RFX1: variants seen among roughly 807,000 people sequenced by gnomAD.
The protein encoded by RFX1 is regulatory factor X1.
RFX1 carries 42 observed loss-of-function variants against 119.6 expected under a neutral mutation model. The observed-to-expected ratio is 0.35, with a 90% CI of 0.27 to 0.45. The LOEUF is 0.45. RFX1 is among the 20% of genes least tolerant of loss of function. RFX1 has a pLI of 1.00. For synonymous variants in RFX1, 628 were observed against 618.5 expected, an observed-to-expected ratio of 1.02 and a Z score of -0.23; for missense variants, 1,118 against 1,368.1, an observed-to-expected ratio of 0.82 and a Z score of 2.88.
At chr19:13,972,587 A>G (rs1290036331) in intron 9 of RFX1, among the ~76,000 whole-genome samples, 156 bp downstream of exon 9, 1 of 152,262 alleles carries the variant, frequency 6.6e-6, no homozygotes, top group Non-Finnish European at 1.5e-5. Flanking sequence ...GAGGCCACAC[A>G]GCATTCAATC....
At chr19:13,963,441 C>G (rs1161898327) in intron 18 of RFX1, 97 bp downstream of exon 18, 3 of 1,438,058 alleles carry the variant, frequency 2.1e-6, no homozygotes, top group Non-Finnish European at 2.8e-6. Context: ...GCCCGCCCAG[C>G]CTGCAGGCTC....
In RFX1 at chr19:13,985,326, G is replaced by T. The variant is rs1422805112; in HGVS notation, c.320-1731C>A. Among the ~76,000 whole-genome samples the T allele has an allele frequency of 1.3e-5, 2 of 152,056 alleles. No individual in the cohort carries two copies. The highest frequency in any genetic ancestry group is 3.8e-4 in the East Asian group (2 of 5,196). On this transcript the variant is annotated intron_variant, in intron 2 of 20. Transcript: ENST00000254325. This position sits in a 1 kb window ranked among gnomAD's most constrained non-coding sequence, Gnocchi z 4.3. Reference sequence around the variant, plus strand: ...TGAGTAGCTAGGACTGCAGGCACCCGCCACCACGCCCAGCTAATTTTTGTG... The same window carrying T: ...TGAGTAGCTAGGACTGCAGGCACCCTCCACCACGCCCAGCTAATTTTTGTG...
chr19:13,975,975 T>C (rs1179672300), intron 8 of RFX1, among the ~76,000 whole-genome samples: 1 of 152,152 alleles, frequency 6.6e-6, no homozygotes, highest in African/African-American at 2.4e-5. Context: ...CACACTATGA[T>C]CACTGAGAGA....
In RFX1 at chr19:13,961,530, T is replaced by C. The variant is rs1219148519; in HGVS notation, c.*1165A>G. The stretch of plus-strand genomic sequence containing the variant: ...CCACCAAGGCCCGGCGAGTCAGCAG[T>C]AGGCAAATATCACAGCGGAATTTAT... On this transcript the variant is annotated 3_prime_UTR_variant, in exon 21 of 21. Transcript: ENST00000254325. The C allele has an allele frequency of 6.1e-6, 1 of 163,448 alleles. No individual in the cohort carries two copies. The highest frequency in any genetic ancestry group is 1.4e-5 in the Non-Finnish European group (1 of 73,928). The allele number at this position is 163,448 out of a possible 1,614,324, so 10.1% of individuals were successfully genotyped here.
Position 13,980,670 on chromosome 19 carries a change from T to A in RFX1, c.641A>T (p.Asn214Ile). 1 of 1,594,410 alleles carries A rather than the reference T, an allele frequency of 6.3e-7. No individual in the cohort carries two copies. The highest frequency in any genetic ancestry group is 1.1e-5 in the South Asian group (1 of 89,312). ...CCCGGCTGTCTTGCTGGAAGAGCTG[T>A]TGGCCTGCACCGGCGACTGCTGTAA... ...SPPEQSPVQA[N>I]SSSSKTAGAP... is the part of the protein sequence containing the mutation. Residue 214 changes from asparagine (N) to isoleucine (I), a missense_variant, in exon 6 of 21, where the codon AAC becomes ATC. Coordinates refer to ENST00000254325, the MANE Select transcript of RFX1 (RefSeq NM_002918.5). The surrounding 1 kb of genome is among the most constrained non-coding windows in gnomAD (Gnocchi z 5.1).
At position 13,972,981 on chromosome 19, in the gene RFX1, T is replaced by G; in HGVS notation, c.1076A>C (p.Tyr359Ser). ...AVASSGSMPMYVSGSQVVASS... is the reference protein window; with the variant it reads ...AVASSGSMPMSVSGSQVVASS... ...GGCGACGACCTGGCTGCCGGACACGTACATGGGCATGGAGCCACTGCTGGC... is the reference window on the plus strand; with the variant it reads ...GGCGACGACCTGGCTGCCGGACACGGACATGGGCATGGAGCCACTGCTGGC... The change falls in exon 9 of 21, where the codon TAC becomes TCC. Residue 359 changes from tyrosine (Y) to serine (S), a missense_variant. Tyr to Ser is a moderately radical substitution (Grantham distance 144). Coordinates refer to ENST00000254325, the MANE Select transcript of RFX1 (RefSeq NM_002918.5). The G allele has an allele frequency of 6.2e-7, 1 of 1,600,180 alleles. No individual in the cohort carries two copies. The highest frequency in any genetic ancestry group is 1.1e-5 in the South Asian group (1 of 91,024).
intron 1 of RFX1, among the ~76,000 whole-genome samples, chr19:14,002,213 G>A (rs1039019531): frequency 6.6e-6 from 1 of 151,890 alleles, no homozygotes; most frequent in African/African-American, 2.4e-5. Context: ...TACTCGGATG[G>A]CTGAGGCAAG....
At chr19:13,982,342 C>G in intron 4 of RFX1, 114 bp from the exon 5 acceptor site, 2 of 483,700 alleles carry the variant, frequency 4.1e-6, no homozygotes, top group Non-Finnish European at 6.5e-6. Flanking sequence ...TGTTAGCTCA[C>G]AGAATCGCCC....
At chr19:13,978,196 C>T in intron 7 of RFX1, 110 bp from the exon 8 acceptor site, 2 of 733,152 alleles carry the variant, frequency 2.7e-6, no homozygotes, top group South Asian at 3.4e-5. Flanking sequence ...AGCTCCCGGA[C>T]CCAAGGGTGG....
intron 1 of RFX1, among the ~76,000 whole-genome samples, chr19:14,003,035 T>G (rs1568486408): frequency 6.6e-6 from 1 of 152,228 alleles, no homozygotes; most frequent in Non-Finnish European, 1.5e-5. Flanking sequence ...CAGGCTCAAG[T>G]GCAGTGGCAC....
intron 12 of RFX1, among the ~76,000 whole-genome samples, chr19:13,967,857 G>A (rs1973954443): frequency 6.6e-6 from 1 of 152,220 alleles, no homozygotes; most frequent in Non-Finnish European, 1.5e-5. Context: ...ATGGCTGTGG[G>A]ATGGCTGGAT....
rs999370327 is a variant in RFX1, at chr19:13,986,382, A to T, written c.320-2787T>A. ...CTCTGGGGTAGCCCTCAAGGCTGGG[A>T]CCCCGCCTGCCAGCCCAGGAGGGCG... On this transcript the variant is annotated intron_variant, in intron 2 of 20. Coordinates refer to ENST00000254325, the MANE Select transcript of RFX1 (RefSeq NM_002918.5). The surrounding 1 kb of genome is among the most constrained non-coding windows in gnomAD (Gnocchi z 4.2). Among the ~76,000 whole-genome samples the T allele has an allele frequency of 1.3e-5, 2 of 151,874 alleles. No homozygotes were observed. The highest frequency in any genetic ancestry group is 4.2e-4 in the South Asian group (2 of 4,810).
Position 13,980,731 on chromosome 19 carries a change from T to TGCATCCTCTCTGGGGTTGGCTC in RFX1, c.622-43_622-42insGAGCCAACCCCAGAGAGGATGC. The TGCATCCTCTCTGGGGTTGGCTC allele has an allele frequency of 2.5e-6, 3 of 1,201,554 alleles. No homozygotes were observed. Among genetic ancestry groups the TGCATCCTCTCTGGGGTTGGCTC allele is most frequent in the Non-Finnish European group, 3.6e-6 (3 of 842,376 alleles). 74.4% of individuals were successfully genotyped at this position (1,201,554 alleles called of 1,614,324 possible). On this transcript the variant is annotated intron_variant, in intron 5 of 20. Transcript: ENST00000254325. The surrounding 1 kb of genome is among the most constrained non-coding windows in gnomAD (Gnocchi z 5.1). ...CACAGGAGTGCCGCTGGGGTGGGCT[T>TGCATCCTCTCTGGGGTTGGCTC]GCATCCTCTCTGAGGTGGGCTCACA...
chr19:13,999,389 G>A (rs1338996544), intron 1 of RFX1, among the ~76,000 whole-genome samples: 1 of 152,182 alleles, frequency 6.6e-6, no homozygotes, highest in Non-Finnish European at 1.5e-5. Context: ...TAAGGGCCAA[G>A]CAGTAAACGT....
chr19:13,962,523 G>C lies in RFX1; in HGVS notation c.*172C>G, dbSNP rs1973723348. 5.1e-6 allele frequency: 3 copies of C among 588,842 alleles called. No homozygotes were observed. Among genetic ancestry groups the C allele is most frequent in the Non-Finnish European group, 8.6e-6 (3 of 347,600 alleles). The allele number at this position is 588,842 out of a possible 1,614,324, so 36.5% of individuals were successfully genotyped here. A position where few individuals can be genotyped will look rare whatever the true frequency, so the allele number is the denominator to read the frequency against. ...GAGTTTGCAGCTGCGGCTCCGCCCA[G>C]CCCACTGATTGTGCCGGCCCCATAA... On this transcript the variant is annotated 3_prime_UTR_variant, in exon 21 of 21. Coordinates refer to ENST00000254325, the MANE Select transcript of RFX1 (RefSeq NM_002918.5).
In RFX1 at chr19:13,986,928, T is replaced by C. The variant is rs1974617153; in HGVS notation, c.320-3333A>G. On this transcript the variant is annotated intron_variant, in intron 2 of 20. Coordinates refer to ENST00000254325, the MANE Select transcript of RFX1 (RefSeq NM_002918.5). This position sits in a 1 kb window ranked among gnomAD's most constrained non-coding sequence, Gnocchi z 4.2. ...GACCCTCTGCCTCCTGCCCCTGGGC[T>C]CCCTGGGATGATGTCAGTCAGGGGC... Among the ~76,000 whole-genome samples the C allele has an allele frequency of 6.6e-6, 1 of 152,102 alleles. No homozygotes were observed. Among genetic ancestry groups the C allele is most frequent in the Admixed American group, 6.5e-5 (1 of 15,286 alleles).
intron 1 of RFX1, among the ~76,000 whole-genome samples, chr19:14,001,680 C>T (rs1975221794): frequency 6.6e-6 from 1 of 152,230 alleles, no homozygotes; most frequent in African/African-American, 2.4e-5. Flanking sequence ...ACCTGGTGGG[C>T]CTGGTCTCTG....
intron 1 of RFX1, among the ~76,000 whole-genome samples, chr19:13,995,973 A>ATT (rs1331921719): frequency 7.9e-5 from 12 of 151,680 alleles, no homozygotes; most frequent in African/African-American, 2.9e-4. Context: ...GGTTGCAGAG[A>ATT]GCTGTGAGCC....
intron 2 of RFX1, among the ~76,000 whole-genome samples, chr19:13,991,327 C>T (rs1230235977): frequency 1.3e-5 from 2 of 152,112 alleles, no homozygotes; most frequent in Non-Finnish European, 2.9e-5. Flanking sequence ...GCATGAAGTT[C>T]ACTGTTAAGG....
Sources: allele counts gnomAD v4.1 joint callset (sites outside exome capture counted in the v4.1 genomes callset), GRCh38; gene constraint gnomAD v4.1.1; non-coding constraint Gnocchi (gnomAD v3.1); transcripts MANE v1.5; gene names NCBI Gene and HGNC (gene_info 2026-07-23, HGNC 2026-07-21).